Variants in PGM3 observed in about 807,000 individuals in gnomAD.
The protein encoded by PGM3 is phosphoglucomutase 3.
PGM3 carries 40 observed loss-of-function variants against 66.2 expected under a neutral mutation model. The observed-to-expected ratio is 0.60, with a 90% CI of 0.47 to 0.79. PGM3 has a LOEUF of 0.79. Ranked by LOEUF, PGM3 falls within the 30% of genes least tolerant of loss-of-function variation. PGM3 has a pLI of 0.00. For synonymous variants in PGM3, 191 were observed against 224.2 expected (o/e 0.85, Z 1.32); for missense variants, 537 against 643.4 (o/e 0.83, Z 1.79).
chr6:83,176,426 G>C (rs753358775), intron 8 of PGM3, among the ~76,000 whole-genome samples: 1 of 152,180 alleles, frequency 6.6e-6, no homozygotes. Context: ...AAATATTTTA[G>C]GCTTTGCAGG....
downstream of PGM3, chr6:83,159,929 T>C (rs1025716928): frequency 1.2e-6 from 2 of 1,614,166 alleles, no homozygotes; most frequent in Non-Finnish European, 1.7e-6. Context: ...GGCTCTCGCA[T>C]TGCCCTCTGA....
the PGM3 span, chr6:83,154,059 A>G: frequency 6.2e-7 from 1 of 1,613,688 alleles, no homozygotes; most frequent in East Asian, 2.2e-5. Flanking sequence ...TTGCCCTCTT[A>G]TTTGTATTCA....
At chr6:83,170,254 T>C in intron 12 of PGM3, 51 bp downstream of exon 12, 5 of 1,534,804 alleles carry the variant, frequency 3.3e-6, no homozygotes, top group Non-Finnish European at 4.5e-6. Flanking sequence ...ATAGTTTGCC[T>C]GCCCATCACC....
downstream of PGM3, chr6:83,157,108 C>G: frequency 6.8e-7 from 1 of 1,464,550 alleles, no homozygotes; most frequent in South Asian, 1.3e-5. Context: ...TTTGAGAGTA[C>G]TGGACCGACA....
At chr6:83,169,454 T>A (rs1168380763) in intron 12 of PGM3, 131 bp from the exon 13 acceptor site, 3 of 1,078,804 alleles carry the variant, frequency 2.8e-6, no homozygotes, top group African/African-American at 3.2e-5. Flanking sequence ...CAAATTCTAA[T>A]GAAAACCTTT....
chr6:83,183,872 C>G (rs113151009), intron 4 of PGM3, among the ~76,000 whole-genome samples: 21 of 152,032 alleles, frequency 1.4e-4, no homozygotes, highest in Non-Finnish European at 2.8e-4. Context: ...CCCACCACCA[C>G]GCCCGGCTAA....
chr6:83,170,272 A>G, intron 12 of PGM3, 33 bp downstream of exon 12: 1 of 1,600,810 alleles, frequency 6.2e-7, no homozygotes, highest in Non-Finnish European at 8.6e-7. Flanking sequence ...ACCTAATATT[A>G]GGCTCTTTTT....
chr6:83,176,224 G>A (rs1787753128), intron 8 of PGM3, 164 bp from the exon 9 acceptor site: 2 of 529,664 alleles, frequency 3.8e-6, no homozygotes, highest in Non-Finnish European at 6.8e-6. Flanking sequence ...TACAATGGAA[G>A]CATGAACACA....
intron 12 of PGM3, 53 bp from the exon 13 acceptor site, chr6:83,169,376 C>T: frequency 6.2e-7 from 1 of 1,602,808 alleles, no homozygotes; most frequent in Non-Finnish European, 8.5e-7. Flanking sequence ...ATGTGTCTAA[C>T]ATGGGCAAGA....
chr6:83,190,969 T>C lies in PGM3; in HGVS notation c.44A>G (p.Lys15Arg). ...GTATTGAAGGATCAGTCCATTGGGCTTGGCGTGTAATGCTGAGTATTTTGT... is the reference window on the plus strand; with the variant it reads ...GTATTGAAGGATCAGTCCATTGGGCCTGGCGTGTAATGCTGAGTATTTTGT... ...AITKYSALHA[K>R]PNGLILQYGT... The change falls in exon 2 of 13, where the codon AAG (lysine) becomes AGG (arginine). Residue 15 changes from lysine (K) to arginine (R), a missense_variant. Physicochemically the swap from Lys to Arg is conservative, Grantham distance 26 (BLOSUM62 2). Coordinates refer to ENST00000513973, the MANE Select transcript of PGM3 (RefSeq NM_015599.3). 3.7e-6 allele frequency: 6 copies of C among 1,614,198 alleles called. No homozygotes were observed. The highest frequency in any genetic ancestry group is 3.3e-4 in the Middle Eastern group (2 of 6,062).
chr6:83,149,756 G>C, the PGM3 span, among the ~76,000 whole-genome samples: 5 of 152,176 alleles, frequency 3.3e-5, no homozygotes, highest in African/African-American at 1.2e-4. Flanking sequence ...TGATGGGATT[G>C]AAAGAACAGG....
chr6:83,175,037 T>C (rs567336158), intron 9 of PGM3, among the ~76,000 whole-genome samples: 1 of 152,338 alleles, frequency 6.6e-6, no homozygotes, highest in African/African-American at 2.4e-5. Flanking sequence ...ACTCATCTTT[T>C]TTACTGCCTT....
chr6:83,190,715 G>C (rs921378755), intron 2 of PGM3, 94 bp downstream of exon 2: 18 of 989,300 alleles, frequency 1.8e-5, no homozygotes, highest in African/African-American at 1.6e-5. Context: ...CACATTCCTA[G>C]AATTAGAATT....
At chr6:83,172,303 G>A (rs963097227) in intron 10 of PGM3, among the ~76,000 whole-genome samples, 16 of 152,166 alleles carry the variant, frequency 1.1e-4, no homozygotes, top group African/African-American at 3.9e-4. Flanking sequence ...AGGAGAGGCT[G>A]AGATGGGATG....
chr6:83,179,157 A>G (rs574702694), intron 7 of PGM3, among the ~76,000 whole-genome samples: 1 of 152,130 alleles, frequency 6.6e-6, no homozygotes, highest in African/African-American at 2.4e-5. Flanking sequence ...CTAAAAGTAC[A>G]AAAATTAGCC....
At chr6:83,156,021 A>G in the PGM3 span, 63 of 1,614,122 alleles carry the variant, frequency 3.9e-5, no homozygotes, top group Non-Finnish European at 4.3e-5. Flanking sequence ...TAGAACAGAG[A>G]GCTATGCTTC....
At chr6:83,189,745 T>A (rs1426529162) in intron 2 of PGM3, among the ~76,000 whole-genome samples, 1 of 152,178 alleles carries the variant, frequency 6.6e-6, no homozygotes, top group Non-Finnish European at 1.5e-5. Flanking sequence ...ACAACAAAAG[T>A]GCTCATAAAC....
chr6:83,190,010 G>A (rs1297273090), intron 2 of PGM3, among the ~76,000 whole-genome samples: 2 of 152,184 alleles, frequency 1.3e-5, no homozygotes, highest in East Asian at 1.9e-4. Flanking sequence ...TGGCCAATGG[G>A]CATAAACTTG....
At chr6:83,156,781 C>T (rs946670132), downstream of PGM3, among the ~76,000 whole-genome samples, 5 of 152,190 alleles carry the variant, frequency 3.3e-5, no homozygotes, top group African/African-American at 4.8e-5. Flanking sequence ...GTTTCCTAAC[C>T]TTTTACGCCT....
Sources: gnomAD v4.1 joint callset for allele counts (sites outside exome capture counted in the v4.1 genomes callset) on GRCh38, gnomAD v4.1.1 for gene constraint, MANE v1.5 for transcripts, NCBI Gene and HGNC (gene_info 2026-07-23, HGNC 2026-07-21) for gene names.